PIK3R6: variants seen among roughly 807,000 people sequenced by gnomAD.
PIK3R6 encodes the protein phosphoinositide 3-kinase regulatory subunit 6.
A neutral mutation model predicts 84.9 loss-of-function variants in PIK3R6; 91 were observed. The ratio of observed to expected loss-of-function variants is 1.07; its 90% CI spans 0.90 to 1.28. PIK3R6 has a LOEUF of 1.28. Among genes scored for constraint, PIK3R6 ranks in the 50% most tolerant of loss-of-function variants. PIK3R6 has a pLI of 0.00. For missense variants in PIK3R6, 996 were observed against 985.1 expected (o/e 1.01, Z -0.15); for synonymous variants, 416 against 411.4 (o/e 1.01, Z -0.13).
At chr17:8,814,924 G>GAC in intron 18 of PIK3R6, among the ~76,000 whole-genome samples, 1 of 151,384 alleles carries the variant, frequency 6.6e-6, no homozygotes, top group South Asian at 2.1e-4. Context: ...CAAAGAGAGA[G>GAC]AGAAAAGAAA....
chr17:8,804,069 C>A lies in PIK3R6; in HGVS notation c.2080G>T (p.Asp694Tyr). Residue 694 changes from aspartate to tyrosine, a missense_variant, in exon 19 of 20, where the codon GAT (aspartate) becomes TAT (tyrosine). Coordinates refer to ENST00000619866, the MANE Select transcript of PIK3R6 (RefSeq NM_001010855.4). ...ACCACATCCCTGAAAGTGCGTTGATCGTCCTTGTCCAGCGACAGTGTCAGC... is the reference window on the plus strand; with the variant it reads ...ACCACATCCCTGAAAGTGCGTTGATAGTCCTTGTCCAGCGACAGTGTCAGC... ...RLLTLSLDKDDQRTFRDVVRF... is the reference protein window; with the variant it reads ...RLLTLSLDKDYQRTFRDVVRF... 1 of 1,613,976 alleles carries A rather than the reference C, an allele frequency of 6.2e-7. No individual in the cohort carries two copies. The highest frequency in any genetic ancestry group is 8.5e-7 in the Non-Finnish European group (1 of 1,179,846).
intron 18 of PIK3R6, among the ~76,000 whole-genome samples, chr17:8,816,803 C>T (rs886192672): frequency 1.3e-5 from 2 of 152,178 alleles, no homozygotes; most frequent in East Asian, 3.8e-4. Flanking sequence ...CACTCAAACA[C>T]TACAATCAGA....
chr17:8,844,214 T>A lies in PIK3R6; in HGVS notation c.14-4517A>T, dbSNP rs2088762589. ...TCCCTCAAGGCAGGCTCTATCTCCC[T>A]CTGCACCTTGCAAGTCTGGCCAAGC... On this transcript the variant is annotated intron_variant, in intron 2 of 19. Transcript: ENST00000619866. The surrounding 1 kb of genome is among the most constrained non-coding windows in gnomAD (Gnocchi z 4.5). 6.6e-6 allele frequency among the ~76,000 whole-genome samples: 1 copy of A among 152,206 alleles called. No homozygotes were observed. Among genetic ancestry groups the A allele is most frequent in the South Asian group, 2.1e-4 (1 of 4,826 alleles).
chr17:8,859,884 CT>C (rs2089231277), intron 1 of PIK3R6, among the ~76,000 whole-genome samples: 1 of 152,170 alleles, frequency 6.6e-6, no homozygotes, highest in East Asian at 1.9e-4. Flanking sequence ...GAGCCAATCC[CT>C]GCTAATACAT....
intron 18 of PIK3R6, among the ~76,000 whole-genome samples, chr17:8,805,892 C>T (rs55730467): frequency 0.041 from 6,243 of 150,686 alleles, 455 homozygotes; most frequent in African/African-American, 0.14. Context: ...CACTCCAGCC[C>T]GGGCAACAGA....
chr17:8,854,668 C>T (rs370603746), intron 1 of PIK3R6, among the ~76,000 whole-genome samples: 29 of 152,170 alleles, frequency 1.9e-4, no homozygotes, highest in African/African-American at 6.3e-4. Context: ...AAAACCTTGA[C>T]GTAAATTCCA....
chr17:8,803,492 T>C lies in PIK3R6; in HGVS notation c.2109-63A>G. On this transcript the variant is annotated intron_variant, in intron 19 of 19. Transcript: ENST00000619866. The surrounding 1 kb of genome is among the most constrained non-coding windows in gnomAD (Gnocchi z 5.0). ...GAGGGATCAGATTGCCTAGGGCATT[T>C]GAAAGGCAGAGCTGTTATTGTAGGG... 1 of 1,491,116 alleles carries C rather than the reference T, an allele frequency of 6.7e-7. No individual in the cohort carries two copies. Among genetic ancestry groups the C allele is most frequent in the Non-Finnish European group, 9.1e-7 (1 of 1,103,448 alleles). 92.4% of individuals were successfully genotyped at this position (1,491,116 alleles called of 1,614,324 possible). A position where few individuals can be genotyped will look rare whatever the true frequency, so the allele number is the denominator to read the frequency against.
chr17:8,852,494 C>T (rs1391149924), intron 1 of PIK3R6, among the ~76,000 whole-genome samples: 9 of 152,018 alleles, frequency 5.9e-5, no homozygotes, highest in Admixed American at 5.9e-4. Context: ...AATCCCAGCA[C>T]TTGGGGAGGC....
At chr17:8,837,948 G>A in intron 4 of PIK3R6, 77 bp from the exon 5 acceptor site, 9 of 1,269,628 alleles carry the variant, frequency 7.1e-6, no homozygotes, top group Non-Finnish European at 1.0e-5. Context: ...GTCTAGGCTG[G>A]GAGTGGGCAG....
At chr17:8,838,473 G>C in intron 4 of PIK3R6, 91 bp downstream of exon 4, 4 of 1,165,024 alleles carry the variant, frequency 3.4e-6, no homozygotes, top group Non-Finnish European at 4.9e-6. Context: ...CAAAGCTTAT[G>C]AGATATAGCG....
At chr17:8,855,975 A>C (rs2089130320) in intron 1 of PIK3R6, among the ~76,000 whole-genome samples, 1 of 152,228 alleles carries the variant, frequency 6.6e-6, no homozygotes, top group South Asian at 2.1e-4. Flanking sequence ...TGATACACCC[A>C]CACAGCAGAA....
rs546000846 is a variant in PIK3R6 at position 8,850,439 on chromosome 17, C to T, written c.-91-554G>A. 9.2e-5 allele frequency among the ~76,000 whole-genome samples: 14 copies of T among 152,242 alleles called. 1 individual carries two copies. In the South Asian group the frequency reaches 2.9e-3, roughly 32 times the overall value. On this transcript the variant is annotated intron_variant, in intron 1 of 19. Transcript: ENST00000619866. ...GCTTATGAGGCAGGTTCTATCTCTC[C>T]CCCCTCCCCAGTTCTGCAGATGGGG...
chr17:8,858,583 C>T (rs1310112569), intron 1 of PIK3R6, among the ~76,000 whole-genome samples: 1 of 152,094 alleles, frequency 6.6e-6, no homozygotes, highest in Non-Finnish European at 1.5e-5. Context: ...TCCCAGAGTG[C>T]TGGGATTAGA....
At chr17:8,826,953 G>C (rs1290121635) in intron 13 of PIK3R6, among the ~76,000 whole-genome samples, 1 of 152,108 alleles carries the variant, frequency 6.6e-6, no homozygotes, top group Non-Finnish European at 1.5e-5. Context: ...TCCCGAGTGA[G>C]TTCAAAGCCA....
Position 8,828,049 on chromosome 17 carries a change from G to C in PIK3R6, c.1392+63C>G, listed in dbSNP as rs1391902558. 44 of 1,523,598 alleles carry C rather than the reference G, an allele frequency of 2.9e-5. No individual in the cohort carries two copies. The East Asian group carries it at 5.2e-4, about 18-fold the overall frequency. The allele number at this position is 1,523,598 out of a possible 1,614,324, so 94.4% of individuals were successfully genotyped here. On this transcript the variant is annotated intron_variant, in intron 12 of 19. Transcript: ENST00000619866. ...GGGATGTGGGGGATGCGGGGCTGCA[G>C]GTGTGTCCCTGCCCAGCCTGCCCTG...
Position 8,837,809 on chromosome 17 carries a change from G to T in PIK3R6, c.252C>A (p.Leu84=), listed in dbSNP as rs373458593. 3 of 1,613,540 alleles carry T rather than the reference G, an allele frequency of 1.9e-6. No homozygotes were observed. Among genetic ancestry groups the T allele is most frequent in the Non-Finnish European group, 2.5e-6 (3 of 1,179,606 alleles). The change falls in exon 5 of 20, where the codon CTC becomes CTA. Residue 84 remains leucine, a synonymous_variant. Transcript: ENST00000619866. Reference sequence around the variant, plus strand: ...ACCTCAGTCCCCAGCTCACCTTGGTGAGCACGTACATTACAGTGTGCAGCA... The same window carrying T: ...ACCTCAGTCCCCAGCTCACCTTGGTTAGCACGTACATTACAGTGTGCAGCA... ...IPLLHTVMYV[L]TKATGITEEL... is the part of the protein sequence containing the mutation.
At chr17:8,832,613 A>G (rs1238053657) in intron 9 of PIK3R6, among the ~76,000 whole-genome samples, 6 of 147,636 alleles carry the variant, frequency 4.1e-5, no homozygotes, top group Non-Finnish European at 7.4e-5. Flanking sequence ...CATGTTGCCT[A>G]GGCTGGTCTC....
In PIK3R6 at chr17:8,817,316, C is replaced by T. The variant is rs144610658; in HGVS notation, c.1995+1767G>A. Among the ~76,000 whole-genome samples, 8 of 152,038 alleles carry T rather than the reference C, an allele frequency of 5.3e-5. No individual in the cohort carries two copies. In the East Asian group the frequency reaches 1.2e-3, roughly 22 times the overall value. On this transcript the variant is annotated intron_variant, in intron 18 of 19. Transcript: ENST00000619866. ...CTTTTTGTGCTTTTTTTATATTTTCCAAAATAAATAATGAAACTTTTGTTT... is the reference window on the plus strand; with the variant it reads ...CTTTTTGTGCTTTTTTTATATTTTCTAAAATAAATAATGAAACTTTTGTTT...
intron 4 of PIK3R6, chr17:8,838,213 T>C (rs371610734): frequency 2.9e-5 from 13 of 451,714 alleles, no homozygotes; most frequent in Admixed American, 2.7e-4. Context: ...AAGTACAACA[T>C]TGGGTAGTGT....
Sources: allele counts gnomAD v4.1 joint callset (sites outside exome capture counted in the v4.1 genomes callset), GRCh38; gene constraint gnomAD v4.1.1; non-coding constraint Gnocchi (gnomAD v3.1); transcripts MANE v1.5; gene names NCBI Gene and HGNC (gene_info 2026-07-23, HGNC 2026-07-21).